Variants in C11orf54 observed in about 807,000 individuals in gnomAD.
C11orf54 encodes beta-keto L-gulonate decarboxylase.
In C11orf54, 29 loss-of-function variants were observed where a neutral mutation model predicts 35.5. That is an observed-to-expected ratio of 0.82 (90% CI 0.61 to 1.11). The LOEUF (loss-of-function observed/expected upper bound fraction) is 1.11. Among genes scored for constraint, C11orf54 ranks in the 50% most tolerant of loss-of-function variants. C11orf54 has a pLI of 0.00. For missense variants in C11orf54, 373 were observed against 369.2 expected (o/e 1.01, Z -0.08); for synonymous variants, 108 against 121.1 (o/e 0.89, Z 0.71).
intron 6 of C11orf54, among the ~76,000 whole-genome samples, chr11:93,756,160 C>CTG (rs1555025363): frequency 4.1e-5 from 1 of 24,132 alleles, no homozygotes; most frequent in East Asian, 1.6e-3. Context: ...AAGCAAGACT[C>CTG]TGTCTCCAAA....
In C11orf54 at chr11:93,750,346, T is replaced by C. The variant is rs948674829; in HGVS notation, c.56T>C (p.Val19Ala). The C allele has an allele frequency of 3.1e-6, 5 of 1,612,136 alleles. No individual in the cohort carries two copies. The highest frequency in any genetic ancestry group is 3.4e-6 in the Non-Finnish European group (4 of 1,178,644). The change falls in exon 3 of 9, where the codon GTT (valine) becomes GCT (alanine). Residue 19 changes from valine to alanine, a missense_variant and splice_region_variant. Val to Ala is a moderately conservative substitution (Grantham distance 64, BLOSUM62 0). Coordinates refer to ENST00000354421, the MANE Select transcript of C11orf54 (RefSeq NM_001286069.2). ...HVPSLEELAG[V>A]MQKGLKDNFA... ...TAATCTTATTCCTTGTCTTTATTAGTTATGCAGAAGGGGTTAAAAGATAAC... is the reference window on the plus strand; with the variant it reads ...TAATCTTATTCCTTGTCTTTATTAGCTATGCAGAAGGGGTTAAAAGATAAC...
Position 93,755,502 on chromosome 11 carries a change from G to C in C11orf54, c.507+116G>C, listed in dbSNP as rs954232798. 21 of 1,138,064 alleles carry C rather than the reference G, an allele frequency of 1.8e-5. No individual in the cohort carries two copies. In the East Asian group the frequency reaches 5.2e-4, roughly 28 times the overall value. 70.5% of individuals were successfully genotyped at this position (1,138,064 alleles called of 1,614,324 possible). On this transcript the variant is annotated intron_variant, in intron 6 of 8. Coordinates refer to ENST00000354421, the MANE Select transcript of C11orf54 (RefSeq NM_001286069.2). ...AGAAAATTAGTTTCCCACTTTGGGA[G>C]GCCAAGCTGGGTGGATAACTTGAGG...
At chr11:93,755,919 C>A (rs1943118464) in intron 6 of C11orf54, among the ~76,000 whole-genome samples, 1 of 152,022 alleles carries the variant, frequency 6.6e-6, no homozygotes, top group East Asian at 1.9e-4. Flanking sequence ...TATTCCCAAG[C>A]ATTTTGGGAG....
intron 8 of C11orf54, 114 bp downstream of exon 8, chr11:93,759,972 GT>G: frequency 1.5e-6 from 1 of 655,232 alleles, no homozygotes; most frequent in Non-Finnish European, 2.5e-6. Context: ...TTGAGACAGA[GT>G]TTCACTCTTG....
intron 5 of C11orf54, chr11:93,754,829 G>T: frequency 6.7e-6 from 1 of 149,262 alleles, no homozygotes. Flanking sequence ...CACCTCCCAG[G>T]TTCAAGCAAT....
intron 1 of C11orf54, chr11:93,742,802 T>G (rs886679545): frequency 6.6e-6 from 1 of 152,140 alleles, no homozygotes; most frequent in Non-Finnish European, 1.5e-5. Flanking sequence ...ATGACGAAGC[T>G]CCAGGACTGG....
chr11:93,757,895 TTATTA>T (rs1321941229), intron 7 of C11orf54, among the ~76,000 whole-genome samples: 1 of 152,250 alleles, frequency 6.6e-6, no homozygotes, highest in Non-Finnish European at 1.5e-5. Context: ...CAAATCCTTT[TTATTA>T]TGATTGTATT....
In C11orf54 at chr11:93,761,969, TGAAA is replaced by T. The variant is rs1387422450; in HGVS notation, c.*285_*288del. ...TAAATCCCATTTTTTTCACTTCATA[TGAAA>T]GAACATATTGATAGTATATTCTATA... On this transcript the variant is annotated 3_prime_UTR_variant, in exon 9 of 9. Transcript: ENST00000354421. 5.1e-6 allele frequency: 1 copy of T among 196,950 alleles called. No homozygotes were observed. Among genetic ancestry groups the T allele is most frequent in the Non-Finnish European group, 1.0e-5 (1 of 98,100 alleles). 12.2% of individuals were successfully genotyped at this position (196,950 alleles called of 1,614,324 possible).
intron 7 of C11orf54, 141 bp from the exon 8 acceptor site, chr11:93,759,601 A>G: frequency 2.9e-6 from 1 of 344,982 alleles, no homozygotes. Flanking sequence ...CCTATATAAC[A>G]AAACTGCATG....
Position 93,750,383 on chromosome 11 carries a change from C to A in C11orf54, c.93C>A (p.Val31=). The change falls in exon 3 of 9, where the codon GTC becomes GTA. Residue 31 remains valine, a synonymous_variant. Coordinates refer to ENST00000354421, the MANE Select transcript of C11orf54 (RefSeq NM_001286069.2). ...GGTTAAAAGATAACTTTGCTGATGT[C>A]CAGGTCTCTGTAGTTGATTGCCCTG... ...QKGLKDNFAD[V]QVSVVDCPDL... 6.2e-7 allele frequency: 1 copy of A among 1,613,792 alleles called. No homozygotes were observed. The highest frequency in any genetic ancestry group is 1.3e-5 in the African/African-American group (1 of 75,016).
chr11:93,764,165 G>A lies in C11orf54; in HGVS notation c.*2477G>A, dbSNP rs1445898110. On this transcript the variant is annotated 3_prime_UTR_variant, in exon 9 of 9. Transcript: ENST00000354421. ...GAGGTGTAGGGCATAAGGGGACGAG[G>A]GGTGGGATAAGGCTTAAAAGCCACC... is the stretch of plus-strand genomic sequence containing the variant. 1.3e-5 allele frequency: 2 copies of A among 152,136 alleles called. No homozygotes were observed. The highest frequency in any genetic ancestry group is 2.9e-5 in the Non-Finnish European group (2 of 68,044). The allele number at this position is 152,136 out of a possible 1,614,324, so 9.4% of individuals were successfully genotyped here.
intron 1 of C11orf54, among the ~76,000 whole-genome samples, chr11:93,743,391 C>T (rs1011320864): frequency 2.0e-5 from 3 of 152,222 alleles, no homozygotes; most frequent in Non-Finnish European, 4.4e-5. Context: ...ATTCCTCTGA[C>T]CCCTTCGTGG....
At chr11:93,742,722 G>A (rs1055003990) in intron 1 of C11orf54, 2 of 152,144 alleles carry the variant, frequency 1.3e-5, no homozygotes, top group African/African-American at 2.4e-5. Flanking sequence ...TCCATAGTTT[G>A]GACAATTCCG....
intron 1 of C11orf54, chr11:93,746,986 TA>T (rs538036584): frequency 1.7e-4 from 25 of 150,914 alleles, no homozygotes; most frequent in Non-Finnish European, 2.5e-4. Context: ...ATATGATATT[TA>T]AAAAAAAAAT....
At chr11:93,751,820 C>CTTTTTTTTT (rs35146074) in intron 3 of C11orf54, among the ~76,000 whole-genome samples, 7 of 80,242 alleles carry the variant, frequency 8.7e-5, no homozygotes, top group East Asian at 3.8e-4. Flanking sequence ...AATGGTTAAT[C>CTTTTTTTTT]TTTTTTTTTT....
chr11:93,757,605 C>T (rs1943223531), intron 7 of C11orf54, 140 bp downstream of exon 7: 1 of 875,460 alleles, frequency 1.1e-6, no homozygotes, highest in African/African-American at 1.7e-5. Flanking sequence ...TCTTGGCTCA[C>T]TGCAACCTCC....
chr11:93,762,636 A>G lies in C11orf54; in HGVS notation c.*948A>G, dbSNP rs1377743312. 1 of 152,168 alleles carries G rather than the reference A, an allele frequency of 6.6e-6. No homozygotes were observed. Among genetic ancestry groups the G allele is most frequent in the Admixed American group, 6.6e-5 (1 of 15,266 alleles). The allele number at this position is 152,168 out of a possible 1,614,324, so 9.4% of individuals were successfully genotyped here. ...TTAAAATGTTTCTTAAATAAAAAAA[A>G]CACAAACATTAGCAACTAGTTGGCT... On this transcript the variant is annotated 3_prime_UTR_variant, in exon 9 of 9. Coordinates refer to ENST00000354421, the MANE Select transcript of C11orf54 (RefSeq NM_001286069.2).
At chr11:93,756,406 T>C (rs1461915497) in intron 6 of C11orf54, among the ~76,000 whole-genome samples, 2 of 149,574 alleles carry the variant, frequency 1.3e-5, no homozygotes, top group African/African-American at 4.9e-5. Flanking sequence ...TGCAGGAGGA[T>C]CCCTTGTGCC....
rs1943573054 is a variant in C11orf54, at chr11:93,764,205, A to C, written c.*2517A>C. 1 of 152,184 alleles carries C rather than the reference A, an allele frequency of 6.6e-6. No homozygotes were observed. Among genetic ancestry groups the C allele is most frequent in the East Asian group, 1.9e-4 (1 of 5,194 alleles). The allele number at this position is 152,184 out of a possible 1,614,324, so 9.4% of individuals were successfully genotyped here. A position where few individuals can be genotyped will look rare whatever the true frequency, so the allele number is the denominator to read the frequency against. ...TAAAAGCCACCAGCAGTCAAACATAAATTAAGTCAGATTCTTAATTACAGA... is the reference window on the plus strand; with the variant it reads ...TAAAAGCCACCAGCAGTCAAACATACATTAAGTCAGATTCTTAATTACAGA... On this transcript the variant is annotated 3_prime_UTR_variant, in exon 9 of 9. Coordinates refer to ENST00000354421, the MANE Select transcript of C11orf54 (RefSeq NM_001286069.2).
Sources: allele counts gnomAD v4.1 joint callset (sites outside exome capture counted in the v4.1 genomes callset), GRCh38; gene constraint gnomAD v4.1.1; transcripts MANE v1.5; gene names NCBI Gene and HGNC (gene_info 2026-07-23, HGNC 2026-07-21).